ANTXR1: variants seen among roughly 807,000 people sequenced by gnomAD.
The protein encoded by ANTXR1 is ANTXR cell adhesion molecule 1, also known as anthrax toxin receptor 1.
ANTXR1 carries 19 observed loss-of-function variants against 78.1 expected under a neutral mutation model. The ratio of observed to expected loss-of-function variants is 0.24; its 90% CI spans 0.17 to 0.36. ANTXR1 has a LOEUF of 0.36. Among genes scored for constraint, ANTXR1 ranks in the 10% least tolerant of loss-of-function variants. The pLI is 1.00. For missense variants in ANTXR1, 518 were observed against 718.6 expected (o/e 0.72, Z 3.19); for synonymous variants, 273 against 260.5 (o/e 1.05, Z -0.46).
intron 9 of ANTXR1, among the ~76,000 whole-genome samples, chr2:69,095,602 A>G (rs1319106131): frequency 6.6e-6 from 1 of 152,252 alleles, no homozygotes; most frequent in Non-Finnish European, 1.5e-5. Flanking sequence ...GTATAGCTCC[A>G]GGAGACCACC....
At chr2:69,068,526 A>G (rs573191697) in intron 3 of ANTXR1, among the ~76,000 whole-genome samples, 55 of 152,262 alleles carry the variant, frequency 3.6e-4, no homozygotes, top group African/African-American at 1.3e-3. Context: ...TGCCTATTGG[A>G]GAAAGGGGCT....
chr2:69,180,118 G>A (rs565937424), intron 14 of ANTXR1, among the ~76,000 whole-genome samples: 128 of 152,302 alleles, frequency 8.4e-4, no homozygotes, highest in African/African-American at 2.8e-3. Flanking sequence ...TGTAACTCAG[G>A]GAGTCTTAAT....
chr2:69,179,899 T>C (rs1271860232), intron 14 of ANTXR1, among the ~76,000 whole-genome samples: 1 of 152,188 alleles, frequency 6.6e-6, no homozygotes, highest in African/African-American at 2.4e-5. Context: ...ATGAATGCAA[T>C]ATGTGTTTAT....
Position 69,073,111 on chromosome 2 carries a change from G to C in ANTXR1, c.492+10G>C. The C allele has an allele frequency of 6.2e-7, 1 of 1,613,552 alleles. No homozygotes were observed. The highest frequency in any genetic ancestry group is 1.1e-5 in the South Asian group (1 of 91,058). Reference sequence around the variant, plus strand: ...CTATTCAGAGAGGGAGGTAAGCAACGGCCTGGCTGTGTCTAAACATATACA... The same window carrying C: ...CTATTCAGAGAGGGAGGTAAGCAACCGCCTGGCTGTGTCTAAACATATACA... On this transcript the variant is annotated intron_variant, in intron 6 of 17. Transcript: ENST00000303714.
intron 10 of ANTXR1, among the ~76,000 whole-genome samples, chr2:69,107,708 C>G (rs961194784): frequency 9.2e-5 from 14 of 152,192 alleles, no homozygotes; most frequent in African/African-American, 3.1e-4. Context: ...TAAAAAGGAC[C>G]AAGATAGCTA....
chr2:69,122,743 C>A (rs980072081), intron 10 of ANTXR1, among the ~76,000 whole-genome samples: 12 of 152,236 alleles, frequency 7.9e-5, no homozygotes, highest in South Asian at 2.1e-4. Flanking sequence ...ATCCCTCCCC[C>A]CTCCTCCCAC....
chr2:69,244,078 C>T lies in ANTXR1; in HGVS notation c.1435-1147C>T, dbSNP rs148527992. ...CCCTCCGTTGCAGAGCTGAGTGTTG[C>T]ACAGAAGTTCCTGAGTACCAGATGA... On this transcript the variant is annotated intron_variant, in intron 17 of 17. Transcript: ENST00000303714. Among the ~76,000 whole-genome samples the T allele has an allele frequency of 1.0e-3, 154 of 152,326 alleles. 1 individual carries two copies. The highest frequency in any genetic ancestry group is 1.6e-3 in the Non-Finnish European group (110 of 68,024).
rs1169568899 is a variant in ANTXR1 at position 69,155,067 on chromosome 2, G to A, written c.1047+2803G>A. ...GTCTGGAAGAAGAAACCTGATGGGT[G>A]AGGGTGACAGATGATGCCTACCCAC... On this transcript the variant is annotated intron_variant, in intron 13 of 17. Transcript: ENST00000303714. 5.3e-5 allele frequency among the ~76,000 whole-genome samples: 8 copies of A among 152,332 alleles called. No individual in the cohort carries two copies. In the South Asian group the frequency reaches 1.5e-3, roughly 28 times the overall value.
intron 3 of ANTXR1, among the ~76,000 whole-genome samples, chr2:69,046,795 T>C (rs77709748): frequency 0.036 from 5,494 of 152,270 alleles, 290 homozygotes; most frequent in East Asian, 0.22. Flanking sequence ...GGAATTTGTA[T>C]TTTTCTATCT....
At chr2:69,035,117 T>C (rs1053443375) in intron 1 of ANTXR1, among the ~76,000 whole-genome samples, 1 of 151,728 alleles carries the variant, frequency 6.6e-6, no homozygotes, top group African/African-American at 2.4e-5. Flanking sequence ...CTAAACTGAG[T>C]CATAGACCCA....
At chr2:69,218,559 G>A (rs567919970) in intron 17 of ANTXR1, among the ~76,000 whole-genome samples, 1 of 152,308 alleles carries the variant, frequency 6.6e-6, no homozygotes, top group Non-Finnish European at 1.5e-5. Context: ...TAAGAGCAGA[G>A]AGCTGCTGGG....
At chr2:69,081,348 G>T (rs2104249036) in intron 8 of ANTXR1, among the ~76,000 whole-genome samples, 1 of 152,326 alleles carries the variant, frequency 6.6e-6, no homozygotes, top group East Asian at 1.9e-4. Context: ...CCAGGGCTTG[G>T]ATTCATCAAA....
intron 12 of ANTXR1, among the ~76,000 whole-genome samples, chr2:69,140,192 C>A (rs184688563): frequency 6.6e-6 from 1 of 152,316 alleles, no homozygotes; most frequent in Admixed American, 6.5e-5. Flanking sequence ...ATAAGAGCCT[C>A]AAAGCTTGAG....
At chr2:69,114,837 T>C (rs552469067) in intron 10 of ANTXR1, among the ~76,000 whole-genome samples, 1 of 152,284 alleles carries the variant, frequency 6.6e-6, no homozygotes, top group Admixed American at 6.5e-5. Context: ...CCAGGACTGG[T>C]CTTTCAATGC....
rs1676083652 is a variant in ANTXR1 at position 69,249,148 on chromosome 2, A to G, written c.*3663A>G. The G allele has an allele frequency of 6.6e-6, 1 of 152,150 alleles. No individual in the cohort carries two copies. The highest frequency in any genetic ancestry group is 2.4e-5 in the African/African-American group (1 of 41,426). The allele number at this position is 152,150 out of a possible 1,614,324, so 9.4% of individuals were successfully genotyped here. On this transcript the variant is annotated 3_prime_UTR_variant, in exon 18 of 18. Transcript: ENST00000303714. ...ACCCTGGAAGTTGCTTTTTTTAAAAAAATAATAAATTTCTTAAATCAACTC... is the reference window on the plus strand; with the variant it reads ...ACCCTGGAAGTTGCTTTTTTTAAAAGAATAATAAATTTCTTAAATCAACTC...
At chr2:69,171,935 A>G (rs1673997184) in intron 14 of ANTXR1, among the ~76,000 whole-genome samples, 3 of 152,212 alleles carry the variant, frequency 2.0e-5, no homozygotes, top group Admixed American at 6.5e-5. Flanking sequence ...CAGAATGACA[A>G]CCTCAGAATG....
At chr2:69,222,375 C>T (rs1377386906) in intron 17 of ANTXR1, among the ~76,000 whole-genome samples, 1 of 152,106 alleles carries the variant, frequency 6.6e-6, no homozygotes, top group Non-Finnish European at 1.5e-5. Context: ...GGCCAGTGTT[C>T]AATATTCCTT....
intron 17 of ANTXR1, among the ~76,000 whole-genome samples, chr2:69,242,758 G>C (rs1046973264): frequency 7.2e-5 from 11 of 152,204 alleles, no homozygotes; most frequent in Admixed American, 3.9e-4. Flanking sequence ...GTCGTCATGG[G>C]AATTCATCAC....
intron 16 of ANTXR1, among the ~76,000 whole-genome samples, chr2:69,188,383 C>T (rs991860450): frequency 2.0e-5 from 3 of 152,212 alleles, no homozygotes; most frequent in Non-Finnish European, 2.9e-5. Context: ...GCATGTGCCA[C>T]CGTGCCCGGC....
Sources: allele counts gnomAD v4.1 joint callset (sites outside exome capture counted in the v4.1 genomes callset), GRCh38; gene constraint gnomAD v4.1.1; transcripts MANE v1.5; gene names NCBI Gene and HGNC (gene_info 2026-07-23, HGNC 2026-07-21).